Variants in NELL1 observed in about 807,000 individuals in gnomAD.
NELL1 encodes the protein protein kinase C-binding protein NELL1.
Under a neutral mutation model 107.4 loss-of-function variants are expected in NELL1, and 76 were observed. The observed-to-expected ratio is 0.71, with a 90% confidence interval of 0.59 to 0.86. The LOEUF (loss-of-function observed/expected upper bound fraction) is 0.86. Among genes scored for constraint, NELL1 ranks in the 40% least tolerant of loss-of-function variants. The probability of loss-of-function intolerance (pLI) is 0.00; values close to 1 mark genes in which losing one functional copy is unlikely to be tolerated. For missense variants in NELL1, 1,024 were observed against 1,005.5 expected (o/e 1.02, Z -0.25); for synonymous variants, 353 against 341.2 (o/e 1.03, Z -0.38).
chr11:21,268,761 G>A (rs1452648098), intron 14 of NELL1, among the ~76,000 whole-genome samples: 2 of 152,092 alleles, frequency 1.3e-5, no homozygotes, highest in East Asian at 3.9e-4. Context: ...AGAAAAAATG[G>A]CAAGGGATAC....
chr11:21,044,810 A>G (rs1590577939), intron 12 of NELL1, among the ~76,000 whole-genome samples: 1 of 152,156 alleles, frequency 6.6e-6, no homozygotes, highest in South Asian at 2.1e-4. Context: ...GGATTATCAA[A>G]TGAGAGCTGT....
chr11:21,128,583 T>A (rs1855542551), intron 13 of NELL1, among the ~76,000 whole-genome samples: 1 of 152,160 alleles, frequency 6.6e-6, no homozygotes, highest in Non-Finnish European at 1.5e-5. Flanking sequence ...TTTTTCTCAT[T>A]AGGAGAGCTA....
intron 12 of NELL1, among the ~76,000 whole-genome samples, chr11:21,035,378 C>A (rs551968027): frequency 6.6e-6 from 1 of 151,744 alleles, no homozygotes. Context: ...TGCTATGAGG[C>A]CAGCATCATC....
intron 12 of NELL1, among the ~76,000 whole-genome samples, chr11:21,062,316 T>G (rs1464933874): frequency 6.6e-6 from 1 of 152,190 alleles, no homozygotes; most frequent in Non-Finnish European, 1.5e-5. Context: ...TAACGGTGAT[T>G]ACTGAAAAAC....
chr11:20,755,636 A>G (rs1273323629), intron 2 of NELL1, among the ~76,000 whole-genome samples: 1 of 147,012 alleles, frequency 6.8e-6, no homozygotes, highest in Admixed American at 6.9e-5. Flanking sequence ...GCTCACTGCA[A>G]CCTCTGTCTC....
chr11:21,323,851 A>G lies in NELL1; in HGVS notation c.1550-47002A>G, dbSNP rs111608940. 4.1e-3 allele frequency among the ~76,000 whole-genome samples: 620 copies of G among 152,268 alleles called. 4 individuals are homozygous for G. The highest frequency in any genetic ancestry group is 0.014 in the African/African-American group (586 of 41,574). On this transcript the variant is annotated intron_variant, in intron 14 of 19. Transcript: ENST00000357134. The stretch of plus-strand genomic sequence containing the variant: ...TGCCCCCTACTGTACCCCAGAAGGC[A>G]TAACGCTCCCTCACAGAATCAGGGT...
In NELL1 at chr11:21,502,729, C is replaced by G. The variant is rs560717805; in HGVS notation, c.1646-31645C>G. Among the ~76,000 whole-genome samples, 11 of 152,276 alleles carry G rather than the reference C, an allele frequency of 7.2e-5. No homozygotes were observed. The South Asian group carries it at 2.3e-3, about 32-fold the overall frequency. On this transcript the variant is annotated intron_variant, in intron 15 of 19. Coordinates refer to ENST00000357134, the MANE Select transcript of NELL1 (RefSeq NM_006157.5). Reference sequence around the variant, plus strand: ...ATCACAGTGGCCCATTCTGGTTATACACACATCATTGTGACTACTCAAAAA... The same window carrying G: ...ATCACAGTGGCCCATTCTGGTTATAGACACATCATTGTGACTACTCAAAAA...
In NELL1 at chr11:20,847,674, C is replaced by A; in HGVS notation, c.427C>A (p.Arg143Ser). Reference sequence around the variant, plus strand: ...GCCAAGGACAGAGGCACTTCCTTACCGCATGGCAGATGGACAATGGCACAA... The same window carrying A: ...GCCAAGGACAGAGGCACTTCCTTACAGCATGGCAGATGGACAATGGCACAA... ...GKPRTEALPY[R>S]MADGQWHKVA... The change falls in exon 4 of 20, where the codon CGC becomes AGC. Residue 143 changes from arginine to serine, a missense_variant. Physicochemically the swap from Arg to Ser is moderately radical, Grantham distance 110. Coordinates refer to ENST00000357134, the MANE Select transcript of NELL1 (RefSeq NM_006157.5). 1 of 1,613,710 alleles carries A rather than the reference C, an allele frequency of 6.2e-7. No homozygotes were observed. Among genetic ancestry groups the A allele is most frequent in the South Asian group, 1.1e-5 (1 of 91,034 alleles).
intron 15 of NELL1, among the ~76,000 whole-genome samples, chr11:21,495,949 A>G (rs1854966436): frequency 6.6e-6 from 1 of 151,994 alleles, no homozygotes; most frequent in Admixed American, 6.6e-5. Context: ...TTTGTTGTCT[A>G]TTATCTGTAC....
chr11:21,534,607 TATGACCATTC>T, intron 16 of NELL1, 93 bp downstream of exon 16: 1 of 1,333,424 alleles, frequency 7.5e-7, no homozygotes, highest in South Asian at 1.3e-5. Context: ...AGTGTTAAAA[TATGACCATTC>T]ATTGGTTAAA....
intron 14 of NELL1, among the ~76,000 whole-genome samples, chr11:21,306,939 TC>T (rs1259303052): frequency 6.6e-6 from 1 of 152,036 alleles, no homozygotes; most frequent in Non-Finnish European, 1.5e-5. Context: ...ATTCTTTCAG[TC>T]TTACCTCATG....
chr11:21,485,601 G>GA (rs1230496913), intron 15 of NELL1, among the ~76,000 whole-genome samples: 5 of 151,690 alleles, frequency 3.3e-5, no homozygotes, highest in South Asian at 2.1e-4. Flanking sequence ...CGAGGTGGGA[G>GA]AAAATCACAA....
chr11:20,708,294 G>C (rs574262986), intron 2 of NELL1, among the ~76,000 whole-genome samples: 1 of 152,192 alleles, frequency 6.6e-6, no homozygotes, highest in African/African-American at 2.4e-5. Flanking sequence ...TGCACTTCCC[G>C]GGTGAGGCGA....
chr11:21,317,354 C>A (rs116610399), intron 14 of NELL1, among the ~76,000 whole-genome samples: 2,815 of 21,330 alleles, frequency 0.13, 88 homozygotes, highest in African/African-American at 0.31. Context: ...ATAAAGCTTC[C>A]TTGTTGTTTC....
chr11:21,163,117 G>C (rs1015528979), intron 13 of NELL1, among the ~76,000 whole-genome samples: 1 of 152,104 alleles, frequency 6.6e-6, no homozygotes, highest in Non-Finnish European at 1.5e-5. Context: ...TGGAAACACT[G>C]GTCATTCAAA....
intron 15 of NELL1, among the ~76,000 whole-genome samples, chr11:21,412,012 C>T (rs983071292): frequency 3.3e-5 from 5 of 152,050 alleles, no homozygotes; most frequent in Admixed American, 2.6e-4. Flanking sequence ...GAGTTCTGTT[C>T]ACCCCAGGCC....
intron 16 of NELL1, among the ~76,000 whole-genome samples, chr11:21,556,470 A>T (rs557489619): frequency 1.3e-5 from 2 of 152,144 alleles, no homozygotes; most frequent in Non-Finnish European, 2.9e-5. Flanking sequence ...TGGTTATGCT[A>T]TTAAAAATTT....
At chr11:20,897,759 A>T (rs956442549) in intron 5 of NELL1, among the ~76,000 whole-genome samples, 1 of 152,258 alleles carries the variant, frequency 6.6e-6, no homozygotes, top group African/African-American at 2.4e-5. Flanking sequence ...TGGGCAAAGT[A>T]TATGGATAGA....
At chr11:20,708,327 C>T (rs185143854) in intron 2 of NELL1, among the ~76,000 whole-genome samples, 1 of 152,344 alleles carries the variant, frequency 6.6e-6, no homozygotes, top group Non-Finnish European at 1.5e-5. Flanking sequence ...CTTCGGCTCA[C>T]ACTCCTTGGG....
Sources: gnomAD v4.1 joint callset for allele counts (sites outside exome capture counted in the v4.1 genomes callset) on GRCh38, gnomAD v4.1.1 for gene constraint, MANE v1.5 for transcripts, NCBI Gene and HGNC (gene_info 2026-07-23, HGNC 2026-07-21) for gene names.